The following ABHD5 variants were observed in gnomAD, a reference collection of about 807,000 sequenced individuals.
ABHD5 encodes the protein 1-acylglycerol-3-phosphate O-acyltransferase ABHD5.
ABHD5 carries 30 observed loss-of-function variants against 44.9 expected under a neutral mutation model. That is an observed-to-expected ratio of 0.67 (90% CI 0.50 to 0.91). The LOEUF is 0.91. Ranked by LOEUF, ABHD5 falls within the 40% of genes least tolerant of loss-of-function variation. ABHD5 has a pLI of 0.00. For missense variants in ABHD5, 399 were observed against 423.4 expected (o/e 0.94, Z 0.50); for synonymous variants, 167 against 147.0 (o/e 1.14, Z -0.99).
At chr3:43,702,681 C>T in intron 3 of ABHD5, 94 bp downstream of exon 3, 5 of 1,576,344 alleles carry the variant, frequency 3.2e-6, no homozygotes, top group East Asian at 4.5e-5. Context: ...GTCTGAGCCA[C>T]AAGGCAGACA....
At chr3:43,730,208 T>C (rs2084903953) in intron 7 of ABHD5, among the ~76,000 whole-genome samples, 1 of 152,238 alleles carries the variant, frequency 6.6e-6, no homozygotes, top group South Asian at 2.1e-4. Context: ...AGCAATGCCA[T>C]TGGTGCCACA....
intron 7 of ABHD5, among the ~76,000 whole-genome samples, chr3:43,728,575 C>T (rs1476461832): frequency 6.6e-6 from 1 of 152,144 alleles, no homozygotes; most frequent in Non-Finnish European, 1.5e-5. Context: ...CCAATCAGGG[C>T]TTATTTACTA....
At chr3:43,707,621 T>G (rs2084637641) in intron 3 of ABHD5, 1 of 152,156 alleles carries the variant, frequency 6.6e-6, no homozygotes, top group Non-Finnish European at 1.5e-5. Context: ...TAGGTCTAAT[T>G]GTTCTCCTTT....
At position 43,705,239 on chromosome 3, in the gene ABHD5, G is replaced by A. The variant is rs189141390; in HGVS notation, c.506+2652G>A. ...ATAGAAGTATCAAGAGATAAGAGCT[G>A]GTCATGTCATATCTTTCTAATTTAT... On this transcript the variant is annotated intron_variant, in intron 3 of 6. Transcript: ENST00000644371. 1.5e-3 allele frequency among the ~76,000 whole-genome samples: 224 copies of A among 152,226 alleles called. 2 individuals carry two copies. Among genetic ancestry groups the A allele is most frequent in the African/African-American group, 5.2e-3 (215 of 41,526 alleles).
chr3:43,725,107 G>A (rs561191654), downstream of ABHD5, among the ~76,000 whole-genome samples: 369 of 152,220 alleles, frequency 2.4e-3, 4 homozygotes, highest in African/African-American at 8.7e-3. Context: ...TTTAAGTATT[G>A]GAAATAGAGC....
chr3:43,696,557 G>T (rs556842269), intron 1 of ABHD5, among the ~76,000 whole-genome samples: 2 of 152,212 alleles, frequency 1.3e-5, no homozygotes, highest in Non-Finnish European at 1.5e-5. Flanking sequence ...GGTAGAGTTG[G>T]ATGGGTAAGT....
At chr3:43,691,060 GC>G in intron 1 of ABHD5, 21 bp downstream of exon 1, 1 of 1,534,838 alleles carries the variant, frequency 6.5e-7, no homozygotes. Flanking sequence ...CCGGCAGGGG[GC>G]TTCGTGTGTC....
chr3:43,691,060 G>C (rs1187570405), intron 1 of ABHD5, 21 bp downstream of exon 1: 4 of 1,534,838 alleles, frequency 2.6e-6, no homozygotes, highest in South Asian at 2.4e-5. Context: ...CCGGCAGGGG[G>C]CTTCGTGTGT....
At chr3:43,706,514 T>C (rs35867389) in intron 3 of ABHD5, among the ~76,000 whole-genome samples, 12,990 of 151,904 alleles carry the variant, frequency 0.086, 773 homozygotes, top group South Asian at 0.22. Context: ...GTTGCACAGT[T>C]TGGAGTGCAG....
chr3:43,714,816 A>G, intron 4 of ABHD5, 131 bp from the exon 5 acceptor site: 4 of 621,194 alleles, frequency 6.4e-6, no homozygotes, highest in Non-Finnish European at 1.2e-5. Flanking sequence ...TACAATATAT[A>G]TTTGAATACA....
Position 43,720,092 on chromosome 3 carries a change from A to C in ABHD5, c.*1560A>C, listed in dbSNP as rs2149608063. The C allele has an allele frequency of 6.6e-6, 1 of 152,320 alleles. No homozygotes were observed. The highest frequency in any genetic ancestry group is 3.4e-3 in the Middle Eastern group (1 of 294). 9.4% of individuals were successfully genotyped at this position (152,320 alleles called of 1,614,324 possible). A position where few individuals can be genotyped will look rare whatever the true frequency, so the allele number is the denominator to read the frequency against. On this transcript the variant is annotated 3_prime_UTR_variant, in exon 7 of 7. Coordinates refer to ENST00000644371, the MANE Select transcript of ABHD5 (RefSeq NM_016006.6). ...AACAATTTGTCTCACTTGTCAGATT[A>C]ACTAGGTTAGTGCAGGAAGCAACAT...
At chr3:43,702,662 G>A in intron 3 of ABHD5, 75 bp downstream of exon 3, 4 of 1,609,844 alleles carry the variant, frequency 2.5e-6, no homozygotes, top group Non-Finnish European at 3.4e-6. Context: ...ATCTTTGGTG[G>A]TTGTTAGTGT....
downstream of ABHD5, among the ~76,000 whole-genome samples, chr3:43,725,780 A>G (rs908661244): frequency 6.6e-6 from 1 of 152,036 alleles, no homozygotes; most frequent in Non-Finnish European, 1.5e-5. Flanking sequence ...AAATAGAAAT[A>G]TTAGTCACAA....
chr3:43,730,184 A>G (rs1359952372), intron 7 of ABHD5, among the ~76,000 whole-genome samples: 1 of 152,270 alleles, frequency 6.6e-6, no homozygotes, highest in East Asian at 1.9e-4. Flanking sequence ...CCGAAGGCTC[A>G]GTTAACTTAT....
At chr3:43,727,917 A>C (rs1487254766) in intron 7 of ABHD5, among the ~76,000 whole-genome samples, 1 of 152,144 alleles carries the variant, frequency 6.6e-6, no homozygotes, top group African/African-American at 2.4e-5. Flanking sequence ...CCGTATTTGT[A>C]CTACTTTTAA....
chr3:43,731,463 ACACT>A (rs1168432460), intron 7 of ABHD5, among the ~76,000 whole-genome samples: 10 of 152,174 alleles, frequency 6.6e-5, no homozygotes, highest in Non-Finnish European at 1.5e-5. Context: ...GAACATGCAA[ACACT>A]CAGACAACAC....
In ABHD5 at chr3:43,717,192, C is replaced by CA. The variant is rs373935327; in HGVS notation, c.774-467dup. Among the ~76,000 whole-genome samples, 450 of 123,682 alleles carry CA rather than the reference C, an allele frequency of 3.6e-3. 1 individual carries two copies. Among genetic ancestry groups the CA allele is most frequent in the East Asian group, 6.8e-3 (26 of 3,810 alleles). 81.1% of individuals were successfully genotyped at this position (123,682 alleles called of 152,430 possible). A position where few individuals can be genotyped will look rare whatever the true frequency, so the allele number is the denominator to read the frequency against. ...TCCATCTCAAAAAAAACAAAAAAAA[C>CA]AAAAAAAAAAAATGAATAGCAGAAG... On this transcript the variant is annotated intron_variant, in intron 5 of 6. Transcript: ENST00000644371.
At chr3:43,695,496 A>G (rs1008860580) in intron 1 of ABHD5, among the ~76,000 whole-genome samples, 4 of 152,234 alleles carry the variant, frequency 2.6e-5, no homozygotes, top group African/African-American at 9.6e-5. Context: ...AAATTTTAAT[A>G]TAATGAAATC....
At chr3:43,697,177 G>C (rs2084483925) in intron 1 of ABHD5, among the ~76,000 whole-genome samples, 1 of 152,060 alleles carries the variant, frequency 6.6e-6, no homozygotes, top group Non-Finnish European at 1.5e-5. Context: ...TTTAAACACT[G>C]GTGCTTTGTA....
Sources: gnomAD v4.1 joint callset for allele counts (sites outside exome capture counted in the v4.1 genomes callset) on GRCh38, gnomAD v4.1.1 for gene constraint, MANE v1.5 for transcripts, NCBI Gene and HGNC (gene_info 2026-07-23, HGNC 2026-07-21) for gene names.